TULP4: variants seen among roughly 807,000 people sequenced by gnomAD.
TULP4 encodes TUB like protein 4.
TULP4 carries 16 observed loss-of-function variants against 129.0 expected under a neutral mutation model. The observed-to-expected ratio is 0.12, with a 90% CI of 0.08 to 0.19. The LOEUF (loss-of-function observed/expected upper bound fraction) is 0.19, where lower values mean the gene tolerates loss of function less well. TULP4 is among the 10% of genes least tolerant of loss of function. The pLI, the probability that TULP4 is intolerant of heterozygous loss-of-function variation, is 1.00. For synonymous variants in TULP4, 998 were observed against 854.0 expected (o/e 1.17, Z -2.94); for missense variants, 1,842 against 2,059.1 (o/e 0.89, Z 2.04).
chr6:158,396,583 A>G lies in TULP4; in HGVS notation c.253-16482A>G, dbSNP rs187709371. On this transcript the variant is annotated intron_variant, in intron 1 of 13. Transcript: ENST00000367097. ...CCAAATGGACAGAATTTAATGTAGC[A>G]TTCTCTAATTTTTATGTAATTACAT... Among the ~76,000 whole-genome samples the G allele has an allele frequency of 3.5e-4, 54 of 152,320 alleles. No individual in the cohort carries two copies. In the East Asian group the frequency reaches 0.01, roughly 29 times the overall value.
At chr6:158,310,168 C>T (rs1475392089), upstream of TULP4, among the ~76,000 whole-genome samples, 1 of 152,054 alleles carries the variant, frequency 6.6e-6, no homozygotes, top group Middle Eastern at 3.2e-3. Flanking sequence ...TTAATTGGCT[C>T]ATGGCTCTGC....
intron 1 of TULP4, among the ~76,000 whole-genome samples, chr6:158,373,990 A>G (rs1015666526): frequency 1.3e-5 from 2 of 152,242 alleles, no homozygotes; most frequent in Non-Finnish European, 2.9e-5. Context: ...CTAGGAAACT[A>G]TGAATCTCTA....
At chr6:158,315,790 C>G (rs1331235010) in intron 1 of TULP4, among the ~76,000 whole-genome samples, 1 of 152,228 alleles carries the variant, frequency 6.6e-6, no homozygotes, top group East Asian at 1.9e-4. Context: ...CACCTCGTTC[C>G]TGTGTCCTCA....
chr6:158,503,980 C>T lies in TULP4; in HGVS notation c.4317C>T (p.Ala1439=), dbSNP rs758087636. ...GWKSKRSPRA[A]GELEEAKCRR... is the part of the protein sequence containing the mutation. ...AAAGCAAGCGCTCCCCACGGGCCGC[C>T]GGCGAGCTGGAGGAGGCCAAGTGCC... Residue 1439 remains alanine, a synonymous_variant, in exon 13 of 14, where the codon GCC becomes GCT. Transcript: ENST00000367097. This position sits in a 1 kb window ranked among gnomAD's most constrained non-coding sequence, Gnocchi z 4.3. 1.2e-5 allele frequency: 20 copies of T among 1,612,648 alleles called. No homozygotes were observed. The highest frequency in any genetic ancestry group is 2.2e-5 in the South Asian group (2 of 90,994).
intron 1 of TULP4, among the ~76,000 whole-genome samples, chr6:158,362,121 A>C (rs1189917594): frequency 1.3e-5 from 2 of 152,230 alleles, no homozygotes; most frequent in Non-Finnish European, 2.9e-5. Flanking sequence ...TGTGTCTAAA[A>C]ATACACTGCT....
chr6:158,457,642 G>A (rs775149429), intron 5 of TULP4, among the ~76,000 whole-genome samples: 2 of 152,162 alleles, frequency 1.3e-5, no homozygotes, highest in African/African-American at 2.4e-5. Context: ...TCCCTCAGTG[G>A]CAAAGCAGAC....
intron 6 of TULP4, among the ~76,000 whole-genome samples, chr6:158,479,244 C>T (rs1049590852): frequency 3.5e-4 from 53 of 152,302 alleles, no homozygotes; most frequent in East Asian, 1.2e-3. Context: ...AAAAACAGCC[C>T]TTCAGTAAGG....
intron 1 of TULP4, among the ~76,000 whole-genome samples, chr6:158,405,864 G>A (rs1337770676): frequency 6.6e-6 from 1 of 152,174 alleles, no homozygotes; most frequent in East Asian, 1.9e-4. Context: ...CACCAGGAAC[G>A]TCTTAGTTTA....
At chr6:158,374,291 GAAAA>G (rs11335189) in intron 1 of TULP4, among the ~76,000 whole-genome samples, 1 of 124,682 alleles carries the variant, frequency 8.0e-6, no homozygotes, top group Non-Finnish European at 1.7e-5. Flanking sequence ...TGTCTTTAAA[GAAAA>G]AAAAAAAAAA....
chr6:158,299,402 C>A (rs1779095514), intron 1 of TULP4, among the ~76,000 whole-genome samples: 1 of 152,044 alleles, frequency 6.6e-6, no homozygotes, highest in Admixed American at 6.5e-5. Context: ...TTTAGATGGG[C>A]CCTCAAAATT....
At chr6:158,391,925 C>T (rs1481735948) in intron 1 of TULP4, among the ~76,000 whole-genome samples, 1 of 152,166 alleles carries the variant, frequency 6.6e-6, no homozygotes, top group Non-Finnish European at 1.5e-5. Context: ...TTCTTAGTGC[C>T]TGGAATGTGG....
Position 158,509,160 on chromosome 6 carries a change from G to A in TULP4, c.*2466G>A, listed in dbSNP as rs1582891516. 1.3e-5 allele frequency: 2 copies of A among 152,172 alleles called. No individual in the cohort carries two copies. The highest frequency in any genetic ancestry group is 3.9e-4 in the East Asian group (2 of 5,180). The allele number at this position is 152,172 out of a possible 1,614,324, so 9.4% of individuals were successfully genotyped here. Reference sequence around the variant, plus strand: ...CCGCCTCGGCCTCCCAAAGTGCTGGGATTACAGACGTGAGCCACCACTCCC... The same window carrying A: ...CCGCCTCGGCCTCCCAAAGTGCTGGAATTACAGACGTGAGCCACCACTCCC... On this transcript the variant is annotated 3_prime_UTR_variant, in exon 14 of 14. Coordinates refer to ENST00000367097, the MANE Select transcript of TULP4 (RefSeq NM_020245.5).
At chr6:158,308,551 G>A (rs1779261176), upstream of TULP4, among the ~76,000 whole-genome samples, 1 of 152,010 alleles carries the variant, frequency 6.6e-6, no homozygotes, top group Admixed American at 6.5e-5. Flanking sequence ...CCGGGCAGAG[G>A]GGCTCTTCAC....
chr6:158,427,215 TCAGA>T (rs1200351257), intron 2 of TULP4, among the ~76,000 whole-genome samples: 3 of 152,142 alleles, frequency 2.0e-5, no homozygotes, highest in East Asian at 3.8e-4. Flanking sequence ...GTAAAAGTAG[TCAGA>T]CAGAGAAGTT....
intron 1 of TULP4, among the ~76,000 whole-genome samples, chr6:158,306,965 G>A (rs1164309348): frequency 6.6e-6 from 1 of 152,166 alleles, no homozygotes; most frequent in Non-Finnish European, 1.5e-5. Context: ...AGGCTGCAGT[G>A]AGCTGTGATC....
At chr6:158,403,142 G>A (rs1758972) in intron 1 of TULP4, among the ~76,000 whole-genome samples, 109,817 of 151,750 alleles carry the variant, frequency 0.72, 40,149 homozygotes, top group African/African-American at 0.78. Flanking sequence ...GTGGTTTGCT[G>A]TGCACTACTT....
At chr6:158,467,498 G>T (rs895129769) in intron 6 of TULP4, among the ~76,000 whole-genome samples, 1 of 151,904 alleles carries the variant, frequency 6.6e-6, no homozygotes, top group South Asian at 2.1e-4. Flanking sequence ...GGCCAGGCTG[G>T]TCTTGAACTC....
intron 1 of TULP4, among the ~76,000 whole-genome samples, chr6:158,372,142 T>TAAA (rs1554284994): frequency 8.2e-6 from 1 of 121,278 alleles, no homozygotes; most frequent in African/African-American, 3.2e-5. Context: ...TTTTTTTTTT[T>TAAA]AATACAATTC....
At chr6:158,250,021 GAGT>G (rs1274930685) in intron 1 of TULP4, among the ~76,000 whole-genome samples, 1 of 152,094 alleles carries the variant, frequency 6.6e-6, no homozygotes. Flanking sequence ...ACCCAGGCTG[GAGT>G]ACAGTGGCAC....
Sources: allele counts gnomAD v4.1 joint callset (sites outside exome capture counted in the v4.1 genomes callset), GRCh38; gene constraint gnomAD v4.1.1; non-coding constraint Gnocchi (gnomAD v3.1); transcripts MANE v1.5; gene names NCBI Gene and HGNC (gene_info 2026-07-23, HGNC 2026-07-21).